Variants in TINAG observed in about 807,000 individuals in gnomAD.
TINAG encodes tubulointerstitial nephritis antigen.
A neutral mutation model predicts 72.7 loss-of-function variants in TINAG; 83 were observed. The ratio of observed to expected loss-of-function variants is 1.14; its 90% CI spans 0.96 to 1.37. The LOEUF is 1.37. Ranked by LOEUF, TINAG falls within the 40% of genes most tolerant of loss-of-function variation. The pLI is 0.00. For synonymous variants in TINAG, 234 were observed against 189.9 expected, an observed-to-expected ratio of 1.23 and a Z score of -1.91; for missense variants, 685 against 576.6, an observed-to-expected ratio of 1.19 and a Z score of -1.93.
intron 3 of TINAG, among the ~76,000 whole-genome samples, chr6:54,324,806 A>G (rs1487213800): frequency 6.6e-6 from 1 of 152,174 alleles, no homozygotes; most frequent in Non-Finnish European, 1.5e-5. Context: ...CTATATTCTA[A>G]TGCATTTCTT....
intron 9 of TINAG, among the ~76,000 whole-genome samples, chr6:54,360,680 A>G (rs1436686459): frequency 1.3e-5 from 2 of 151,532 alleles, no homozygotes; most frequent in Admixed American, 6.6e-5. Flanking sequence ...AAATGAATAA[A>G]TTCAACAGTA....
chr6:54,364,010 T>A (rs1315704809), intron 9 of TINAG, among the ~76,000 whole-genome samples: 2 of 151,644 alleles, frequency 1.3e-5, no homozygotes, highest in East Asian at 3.9e-4. Flanking sequence ...AAAATTTCTG[T>A]TGGAGTGCCT....
At chr6:54,327,241 A>G (rs1269360913) in intron 4 of TINAG, 3 of 1,449,298 alleles carry the variant, frequency 2.1e-6, no homozygotes, top group Middle Eastern at 1.8e-4. Context: ...TGCATTACCA[A>G]CTGAGGTACA....
chr6:54,372,751 TATATATATATATATATATATAC>T (rs1481505257), intron 9 of TINAG, among the ~76,000 whole-genome samples: 4 of 24,138 alleles, frequency 1.7e-4, no homozygotes, highest in Non-Finnish European at 5.2e-4. Flanking sequence ...TATATATATA[TATATATATATATATATATATAC>T]ACACACACAC....
In TINAG at chr6:54,354,784, ATTATT is replaced by A. The variant is rs1424318419; in HGVS notation, c.1250+152_1250+156del. 65 of 936,834 alleles carry A rather than the reference ATTATT, an allele frequency of 6.9e-5. No individual in the cohort carries two copies. The East Asian group carries it at 1.8e-3, about 27-fold the overall frequency. 58.0% of individuals were successfully genotyped at this position (936,834 alleles called of 1,614,324 possible). ...ATCTAAACCTTGCCACTATTTAGTC[ATTATT>A]TTAAAGTCCAGTAAAAGGCTAACTC... On this transcript the variant is annotated intron_variant, in intron 9 of 10. Coordinates refer to ENST00000259782, the MANE Select transcript of TINAG (RefSeq NM_014464.4).
rs112043773 is a variant in TINAG, at chr6:54,365,251, G to A, written c.1250+10615G>A. On this transcript the variant is annotated intron_variant, in intron 9 of 10. Coordinates refer to ENST00000259782, the MANE Select transcript of TINAG (RefSeq NM_014464.4). ...TAATTCGGGTGTTAGAATGTCTTTC[G>A]ATTGCAAAAGGCTTCTCTCCTCCTT... is the stretch of plus-strand genomic sequence containing the variant. 25 of 151,638 alleles carry A rather than the reference G, an allele frequency of 1.6e-4. 1 individual carries two copies. The highest frequency in any genetic ancestry group is 1.4e-3 in the South Asian group (7 of 4,828). 9.4% of individuals were successfully genotyped at this position (151,638 alleles called of 1,614,324 possible). A position where few individuals can be genotyped will look rare whatever the true frequency, so the allele number is the denominator to read the frequency against.
intron 3 of TINAG, among the ~76,000 whole-genome samples, chr6:54,323,703 C>T (rs111277607): frequency 0.1 from 15,667 of 152,212 alleles, 925 homozygotes; most frequent in African/African-American, 0.15. Flanking sequence ...CCTGTAATCC[C>T]AGCACTTTGG....
chr6:54,335,377 T>G (rs1225057331), intron 4 of TINAG, among the ~76,000 whole-genome samples: 1 of 152,172 alleles, frequency 6.6e-6, no homozygotes, highest in Non-Finnish European at 1.5e-5. Context: ...TTGTAATAAG[T>G]TACAACACCT....
intron 4 of TINAG, among the ~76,000 whole-genome samples, chr6:54,335,100 G>A (rs559652687): frequency 1.1e-4 from 16 of 152,216 alleles, no homozygotes; most frequent in Non-Finnish European, 2.2e-4. Context: ...ACTCACTTAT[G>A]TGTCTCTATA....
Position 54,380,506 on chromosome 6 carries a change from A to G in TINAG, c.1251-20A>G. On this transcript the variant is annotated intron_variant, in intron 9 of 10. Transcript: ENST00000259782. Reference sequence around the variant, plus strand: ...AAACATTTTAACCATACCAATCTTTATTATTGTTATTAATTGTAGATGGGG... The same window carrying G: ...AAACATTTTAACCATACCAATCTTTGTTATTGTTATTAATTGTAGATGGGG... 6 of 1,601,798 alleles carry G rather than the reference A, an allele frequency of 3.7e-6. No individual in the cohort carries two copies. The highest frequency in any genetic ancestry group is 1.3e-5 in the African/African-American group (1 of 74,504).
intron 4 of TINAG, among the ~76,000 whole-genome samples, chr6:54,338,877 C>A (rs1784932359): frequency 6.6e-6 from 1 of 152,054 alleles, no homozygotes. Flanking sequence ...CATACATTAG[C>A]AGTTTGTAAA....
intron 9 of TINAG, among the ~76,000 whole-genome samples, chr6:54,367,794 A>G (rs188896171): frequency 1.3e-5 from 2 of 151,840 alleles, no homozygotes; most frequent in Non-Finnish European, 2.9e-5. Context: ...TGGGTGACCT[A>G]CACAACATTT....
chr6:54,376,589 A>G (rs1763789268), intron 9 of TINAG, among the ~76,000 whole-genome samples: 2 of 152,168 alleles, frequency 1.3e-5, no homozygotes, highest in South Asian at 4.1e-4. Flanking sequence ...TGTTCCAATA[A>G]TTTTACTATC....
At position 54,343,306 on chromosome 6, in the gene TINAG, G is replaced by A. The variant is rs750114947; in HGVS notation, c.705G>A (p.Leu235=). 3 of 1,566,452 alleles carry A rather than the reference G, an allele frequency of 1.9e-6. No individual in the cohort carries two copies. Among genetic ancestry groups the A allele is most frequent in the South Asian group, 2.5e-5 (2 of 81,540 alleles). ...YKWPGWTHGP[L]DQKNCAASWA... ...GGCCTGGATGGACTCATGGCCCATT[G>A]GATCAAAAAAATTGTGCTGCATCCT... Residue 235 remains leucine (L), a synonymous_variant, in exon 5 of 11, where the codon TTG becomes TTA. Coordinates refer to ENST00000259782, the MANE Select transcript of TINAG (RefSeq NM_014464.4).
chr6:54,360,265 T>A (rs1763184430), intron 9 of TINAG, among the ~76,000 whole-genome samples: 1 of 151,716 alleles, frequency 6.6e-6, no homozygotes, highest in South Asian at 2.1e-4. Flanking sequence ...AATAACTCTG[T>A]CATCCCCATT....
chr6:54,308,014 G>T, upstream of TINAG: 1 of 1,546,756 alleles, frequency 6.5e-7, no homozygotes. Flanking sequence ...GTGTGACTGG[G>T]CATGATTTAG....
In TINAG at chr6:54,345,527, A is replaced by G. The variant is rs79898755; in HGVS notation, c.749-1840A>G. 9.2e-3 allele frequency among the ~76,000 whole-genome samples: 1,404 copies of G among 152,240 alleles called. 31 individuals are homozygous for G. The highest frequency in any genetic ancestry group is 0.052 in the East Asian group (271 of 5,164). On this transcript the variant is annotated intron_variant, in intron 5 of 10. Coordinates refer to ENST00000259782, the MANE Select transcript of TINAG (RefSeq NM_014464.4). ...TCTGGATTACTGTTTTCTCTACACT[A>G]TAAAAGTATTTTCTGAATGAAAACA...
At chr6:54,389,405 A>G (rs1187419290) in intron 10 of TINAG, among the ~76,000 whole-genome samples, 2 of 152,180 alleles carry the variant, frequency 1.3e-5, no homozygotes, top group African/African-American at 4.8e-5. Context: ...TCATTAGATT[A>G]TAAACTTCCT....
intron 4 of TINAG, among the ~76,000 whole-genome samples, chr6:54,338,988 C>T (rs1784934995): frequency 6.6e-6 from 1 of 152,128 alleles, no homozygotes; most frequent in Non-Finnish European, 1.5e-5. Flanking sequence ...TTCCTCAGAA[C>T]TAGTGTTCTA....
Sources: gnomAD v4.1 joint callset for allele counts (sites outside exome capture counted in the v4.1 genomes callset) on GRCh38, gnomAD v4.1.1 for gene constraint, MANE v1.5 for transcripts, NCBI Gene and HGNC (gene_info 2026-07-23, HGNC 2026-07-21) for gene names.